Variants in ST8SIA6 observed in about 807,000 individuals in gnomAD.
The protein encoded by ST8SIA6 is alpha-2,8-sialyltransferase 8F.
A neutral mutation model predicts 33.6 loss-of-function variants in ST8SIA6; 39 were observed. The observed-to-expected ratio is 1.16, with a 90% CI of 0.90 to 1.52. The LOEUF is 1.52. Among genes scored for constraint, ST8SIA6 ranks in the 40% most tolerant of loss-of-function variants. The probability of loss-of-function intolerance (pLI) is 0.00; values close to 1 mark genes in which losing one functional copy is unlikely to be tolerated. For synonymous variants in ST8SIA6, 172 were observed against 167.2 expected, an observed-to-expected ratio of 1.03 and a Z score of -0.22; for missense variants, 441 against 443.8, an observed-to-expected ratio of 0.99 and a Z score of 0.06.
In ST8SIA6 at chr10:17,325,368, T is replaced by C. The variant is rs143872215; in HGVS notation, c.635+1646A>G. On this transcript the variant is annotated intron_variant, in intron 6 of 7. Transcript: ENST00000377602. ...ATAATATGTAATATATAAATACTAC[T>C]GGATTATATGTATTACAGTATACGA... Among the ~76,000 whole-genome samples the C allele has an allele frequency of 2.3e-3, 342 of 147,534 alleles. 1 individual carries two copies. Among genetic ancestry groups the C allele is most frequent in the African/African-American group, 8.1e-3 (328 of 40,612 alleles).
In ST8SIA6 at chr10:17,359,509, A is replaced by T; in HGVS notation, c.377+5T>A. The T allele has an allele frequency of 3.8e-6, 6 of 1,585,678 alleles. No homozygotes were observed. The highest frequency in any genetic ancestry group is 2.3e-5 in the East Asian group (1 of 44,262). On this transcript the variant is annotated splice_donor_5th_base_variant and intron_variant, in intron 4 of 7. Coordinates refer to ENST00000377602, the MANE Select transcript of ST8SIA6 (RefSeq NM_001004470.3). The stretch of plus-strand genomic sequence containing the variant: ...AAATCTCATATTATTTATGAAAAAA[A>T]TTACCTAAAATTTGCATATTCTTCT...
At chr10:17,433,449 C>T (rs1307237205) in intron 2 of ST8SIA6, among the ~76,000 whole-genome samples, 2 of 152,158 alleles carry the variant, frequency 1.3e-5, no homozygotes, top group African/African-American at 2.4e-5. Context: ...ATACCATTTT[C>T]GCCCATCAAG....
intron 2 of ST8SIA6, among the ~76,000 whole-genome samples, chr10:17,447,035 A>AT (rs1852734096): frequency 6.6e-6 from 1 of 151,484 alleles, no homozygotes; most frequent in Admixed American, 6.6e-5. Flanking sequence ...AAAAAAAAAA[A>AT]AAAAAAGAAA....
chr10:17,354,121 C>T (rs530160356), intron 4 of ST8SIA6, among the ~76,000 whole-genome samples: 75 of 152,176 alleles, frequency 4.9e-4, no homozygotes, highest in African/African-American at 1.7e-3. Context: ...CAAAGATCTG[C>T]GGGGATAAAA....
In ST8SIA6 at chr10:17,319,840, G is replaced by T. The variant is rs764996561; in HGVS notation, c.*1038C>A. The T allele has an allele frequency of 1.3e-5, 2 of 152,128 alleles. No individual in the cohort carries two copies. Among genetic ancestry groups the T allele is most frequent in the Non-Finnish European group, 2.9e-5 (2 of 68,014 alleles). 9.4% of individuals were successfully genotyped at this position (152,128 alleles called of 1,614,324 possible). Reference sequence around the variant, plus strand: ...CAATGGTTTCAGGCATCCACAGGGGGTCTTCCCATATCTGCAGATTAGGGG... The same window carrying T: ...CAATGGTTTCAGGCATCCACAGGGGTTCTTCCCATATCTGCAGATTAGGGG... On this transcript the variant is annotated 3_prime_UTR_variant, in exon 8 of 8. Transcript: ENST00000377602.
intron 3 of ST8SIA6, 118 bp from the exon 4 acceptor site, chr10:17,359,718 G>C (rs1588837485): frequency 2.0e-6 from 1 of 504,968 alleles, no homozygotes; most frequent in African/African-American, 2.0e-5. Flanking sequence ...ATAAGGTGAG[G>C]CAGAAATAAT....
At chr10:17,375,436 T>C (rs895862767) in intron 3 of ST8SIA6, among the ~76,000 whole-genome samples, 3 of 152,190 alleles carry the variant, frequency 2.0e-5, no homozygotes, top group African/African-American at 7.2e-5. Context: ...TCCAGGATAA[T>C]AGAGTGAAGA....
intron 2 of ST8SIA6, among the ~76,000 whole-genome samples, chr10:17,393,849 A>T (rs7917902): frequency 6.6e-6 from 1 of 152,170 alleles, no homozygotes; most frequent in African/African-American, 2.4e-5. Flanking sequence ...TGGGCTCACA[A>T]AAGTCCCTCT....
At chr10:17,368,407 C>CAAAAAAAAAAAAAAA (rs200826980) in intron 3 of ST8SIA6, among the ~76,000 whole-genome samples, 1,655 of 72,064 alleles carry the variant, frequency 0.023, 150 homozygotes, top group Non-Finnish European at 0.036. Context: ...AGCTCTGTCT[C>CAAAAAAAAAAAAAAA]AAAAAAAAAA....
At chr10:17,322,336 A>C (rs976113172) in intron 7 of ST8SIA6, among the ~76,000 whole-genome samples, 6 of 152,172 alleles carry the variant, frequency 3.9e-5, no homozygotes, top group Non-Finnish European at 7.4e-5. Context: ...AAATATAGAT[A>C]TACGTATAGG....
chr10:17,381,425 T>G (rs559187916), intron 3 of ST8SIA6, among the ~76,000 whole-genome samples: 1 of 152,286 alleles, frequency 6.6e-6, no homozygotes, highest in African/African-American at 2.4e-5. Context: ...AGGTGTTGTG[T>G]ACACAATGTT....
intron 3 of ST8SIA6, among the ~76,000 whole-genome samples, chr10:17,389,223 G>T (rs964060318): frequency 3.9e-5 from 6 of 152,142 alleles, no homozygotes; most frequent in African/African-American, 1.2e-4. Flanking sequence ...CAGGGAGACT[G>T]ATTTGAGTAA....
At chr10:17,451,305 T>C (rs1310686773) in intron 2 of ST8SIA6, among the ~76,000 whole-genome samples, 2 of 152,170 alleles carry the variant, frequency 1.3e-5, no homozygotes, top group Non-Finnish European at 2.9e-5. Context: ...GCCATTCTCT[T>C]ACATGAAATA....
Position 17,320,806 on chromosome 10 carries a change from T to G in ST8SIA6, c.*72A>C. On this transcript the variant is annotated 3_prime_UTR_variant, in exon 8 of 8. Transcript: ENST00000377602. ...CTCAAAATACTCTTTAGCCACCTCC[T>G]TTGGTGTTTGGAGACATTGTTAATC... 6.6e-7 allele frequency: 1 copy of G among 1,508,246 alleles called. No individual in the cohort carries two copies. The highest frequency in any genetic ancestry group is 9.1e-7 in the Non-Finnish European group (1 of 1,101,714). 93.4% of individuals were successfully genotyped at this position (1,508,246 alleles called of 1,614,324 possible).
chr10:17,360,520 A>G (rs901690321), intron 3 of ST8SIA6, among the ~76,000 whole-genome samples: 1 of 150,626 alleles, frequency 6.6e-6, no homozygotes, highest in Non-Finnish European at 1.5e-5. Flanking sequence ...AGTGACTATA[A>G]TAATATTTGA....
chr10:17,325,469 T>C (rs1304065414), intron 6 of ST8SIA6, among the ~76,000 whole-genome samples: 1 of 112,158 alleles, frequency 8.9e-6, no homozygotes, highest in Non-Finnish European at 2.0e-5. Context: ...TACTGTAATA[T>C]ATATGTGATT....
At chr10:17,408,517 A>G (rs559007462) in intron 2 of ST8SIA6, among the ~76,000 whole-genome samples, 16 of 152,070 alleles carry the variant, frequency 1.1e-4, no homozygotes, top group African/African-American at 3.9e-4. Context: ...GGCAAAAATT[A>G]GCTGGGCATG....
At chr10:17,380,647 G>C (rs753122456) in intron 3 of ST8SIA6, among the ~76,000 whole-genome samples, 21 of 152,234 alleles carry the variant, frequency 1.4e-4, no homozygotes, top group Admixed American at 8.5e-4. Flanking sequence ...TTTTGTCCTA[G>C]CTGAAATATG....
chr10:17,443,067 C>T (rs1042243625), intron 2 of ST8SIA6, among the ~76,000 whole-genome samples: 8 of 152,152 alleles, frequency 5.3e-5, no homozygotes, highest in African/African-American at 7.2e-5. Context: ...CCAAAGTGAA[C>T]ATGGTGTGTT....
Sources: gnomAD v4.1 joint callset for allele counts (sites outside exome capture counted in the v4.1 genomes callset) on GRCh38, gnomAD v4.1.1 for gene constraint, MANE v1.5 for transcripts, NCBI Gene and HGNC (gene_info 2026-07-23, HGNC 2026-07-21) for gene names.